Variants in MTHFD1L observed in about 807,000 individuals in gnomAD.
MTHFD1L encodes the protein monofunctional C1-tetrahydrofolate synthase, mitochondrial.
In MTHFD1L, 81 loss-of-function variants were observed where a neutral mutation model predicts 119.5. That is an observed-to-expected ratio of 0.68 (90% confidence interval 0.57 to 0.82). The LOEUF is 0.82. MTHFD1L is among the 40% of genes least tolerant of loss of function. The pLI is 0.00. For synonymous variants in MTHFD1L, 430 were observed against 475.2 expected (o/e 0.90, Z 1.24); for missense variants, 1,125 against 1,253.4 (o/e 0.90, Z 1.55).
intron 26 of MTHFD1L, among the ~76,000 whole-genome samples, chr6:151,085,690 G>A (rs1475612245): frequency 6.6e-6 from 1 of 152,146 alleles, no homozygotes; most frequent in Non-Finnish European, 1.5e-5. Flanking sequence ...AGAATCACTT[G>A]AGGCCAGGAG....
intron 4 of MTHFD1L, among the ~76,000 whole-genome samples, chr6:150,879,580 G>A (rs1188918474): frequency 2.0e-5 from 3 of 149,252 alleles, no homozygotes; most frequent in South Asian, 2.1e-4. Flanking sequence ...GAGCCACTGC[G>A]CCCAGCTGGA....
chr6:150,925,461 G>A (rs576400972), intron 10 of MTHFD1L, among the ~76,000 whole-genome samples: 15 of 152,238 alleles, frequency 9.9e-5, no homozygotes, highest in Non-Finnish European at 1.9e-4. Flanking sequence ...GAAGAGTTCA[G>A]TTACGTGCCC....
At chr6:150,941,634 G>T (rs1221612570) in intron 13 of MTHFD1L, among the ~76,000 whole-genome samples, 1 of 152,178 alleles carries the variant, frequency 6.6e-6, no homozygotes, top group Non-Finnish European at 1.5e-5. Flanking sequence ...TTAGATGTTG[G>T]GGGTTAGAAA....
Position 150,968,340 on chromosome 6 carries a change from TTTA to T in MTHFD1L, c.2013+3309_2013+3311del, listed in dbSNP as rs543732841. 2.0e-4 allele frequency among the ~76,000 whole-genome samples: 31 copies of T among 152,314 alleles called. No individual in the cohort carries two copies. The East Asian group carries it at 6.0e-3, about 29-fold the overall frequency. ...GACTTGTTGAATAATTAAGTGAATG[TTTA>T]TTATTTTTACTACATTCTCCTAAAA... On this transcript the variant is annotated intron_variant, in intron 19 of 27. Coordinates refer to ENST00000367321, the MANE Select transcript of MTHFD1L (RefSeq NM_015440.5).
intron 11 of MTHFD1L, chr6:150,934,946 G>A (rs988551568): frequency 1.3e-6 from 2 of 1,520,228 alleles, no homozygotes; most frequent in African/African-American, 1.4e-5. Context: ...TTTCAATTTG[G>A]GACATTTATT....
intron 26 of MTHFD1L, among the ~76,000 whole-genome samples, chr6:151,051,922 G>A (rs1584329086): frequency 6.6e-6 from 1 of 152,224 alleles, no homozygotes; most frequent in East Asian, 1.9e-4. Flanking sequence ...GGGAGGCCTG[G>A]AGAGGTCTGT....
Position 150,968,007 on chromosome 6 carries a change from G to A in MTHFD1L, c.2013+2970G>A, listed in dbSNP as rs568604504. Among the ~76,000 whole-genome samples, 5 of 151,780 alleles carry A rather than the reference G, an allele frequency of 3.3e-5. No individual in the cohort carries two copies. In the South Asian group the frequency reaches 1.0e-3, roughly 32 times the overall value. On this transcript the variant is annotated intron_variant, in intron 19 of 27. Coordinates refer to ENST00000367321, the MANE Select transcript of MTHFD1L (RefSeq NM_015440.5). ...CTTATCCTCATCTCTCATCCTCTGG[G>A]GGACCTTTGCACGGCTAACACCACT...
At chr6:150,937,919 G>A (rs1343325291) in intron 12 of MTHFD1L, among the ~76,000 whole-genome samples, 1 of 152,134 alleles carries the variant, frequency 6.6e-6, no homozygotes, top group East Asian at 1.9e-4. Context: ...ACATTTTGAG[G>A]GATACGCAGC....
chr6:150,911,813 G>A (rs1786944374), intron 8 of MTHFD1L, among the ~76,000 whole-genome samples: 1 of 152,088 alleles, frequency 6.6e-6, no homozygotes, highest in Admixed American at 6.6e-5. Context: ...GAGAAAATCA[G>A]GAAGATGCAA....
At chr6:150,879,630 T>G (rs1186855349) in intron 4 of MTHFD1L, among the ~76,000 whole-genome samples, 3 of 147,454 alleles carry the variant, frequency 2.0e-5, no homozygotes, top group Non-Finnish European at 1.5e-5. Context: ...TGGTGTTTTT[T>G]TTTTTTTTTT....
rs1583469134 is a variant in MTHFD1L at position 150,903,210 on chromosome 6, T to C, written c.781-2440T>C. ...GGTGATATTGGCTGCAAAATTTTTT[T>C]TTTTTTTTTTTTTTTTTTTTTTTTT... is the stretch of plus-strand genomic sequence containing the variant. On this transcript the variant is annotated intron_variant, in intron 7 of 27. Transcript: ENST00000367321. Among the ~76,000 whole-genome samples the C allele has an allele frequency of 4.6e-5, 5 of 107,688 alleles. 1 individual carries two copies. Among genetic ancestry groups the C allele is most frequent in the African/African-American group, 1.2e-4 (3 of 25,516 alleles). The allele number at this position is 107,688 out of a possible 152,430, so 70.6% of individuals were successfully genotyped here.
intron 26 of MTHFD1L, among the ~76,000 whole-genome samples, chr6:151,064,565 G>A (rs544388253): frequency 4.6e-5 from 7 of 152,094 alleles, no homozygotes; most frequent in African/African-American, 7.2e-5. Context: ...CGCCTGCCTC[G>A]GCCTCCCAAA....
Position 150,887,874 on chromosome 6 carries a change from G to C in MTHFD1L, c.673G>C (p.Val225Leu). The stretch of plus-strand genomic sequence containing the variant: ...CAACCTAGATGGAAAGAAGATTTTG[G>C]TAGTGGGGGCCCATGGGTCTTTGGA... ...GVNLDGKKIL[V>L]VGAHGSLEAA... is the part of the protein sequence containing the mutation. Residue 225 changes from valine (V) to leucine (L), a missense_variant, in exon 7 of 28, where the codon GTA becomes CTA. Coordinates refer to ENST00000367321, the MANE Select transcript of MTHFD1L (RefSeq NM_015440.5). 6.2e-7 allele frequency: 1 copy of C among 1,605,794 alleles called. No homozygotes were observed. Among genetic ancestry groups the C allele is most frequent in the South Asian group, 1.1e-5 (1 of 88,928 alleles).
chr6:150,988,136 A>G (rs370706123), intron 20 of MTHFD1L, among the ~76,000 whole-genome samples: 10 of 152,234 alleles, frequency 6.6e-5, no homozygotes, highest in African/African-American at 2.4e-4. Context: ...AAACATTGTC[A>G]TGCAGAGATT....
chr6:151,099,129 T>C (rs140721029), intron 27 of MTHFD1L, among the ~76,000 whole-genome samples: 2,281 of 148,516 alleles, frequency 0.015, 55 homozygotes, highest in African/African-American at 0.054. Flanking sequence ...TGAGCTGATA[T>C]CGCATCGCTG....
At position 150,875,554 on chromosome 6, in the gene MTHFD1L, C is replaced by T. The variant is rs140914696; in HGVS notation, c.228-536C>T. ...GGGTCTCCAGTGTTTCTGGAACTTTCCTCCCCTTCCTTCCTTACCTAATTC... is the reference window on the plus strand; with the variant it reads ...GGGTCTCCAGTGTTTCTGGAACTTTTCTCCCCTTCCTTCCTTACCTAATTC... On this transcript the variant is annotated intron_variant, in intron 1 of 27. Coordinates refer to ENST00000367321, the MANE Select transcript of MTHFD1L (RefSeq NM_015440.5). 1.8e-3 allele frequency among the ~76,000 whole-genome samples: 268 copies of T among 151,922 alleles called. 1 individual carries two copies. Among genetic ancestry groups the T allele is most frequent in the African/African-American group, 6.2e-3 (258 of 41,418 alleles).
At chr6:150,965,620 C>T (rs929390127) in intron 19 of MTHFD1L, among the ~76,000 whole-genome samples, 2 of 150,704 alleles carry the variant, frequency 1.3e-5, no homozygotes, top group African/African-American at 2.4e-5. Flanking sequence ...GAGATCGCAC[C>T]ACCGCACTCC....
At chr6:151,017,208 A>G (rs79346223) in intron 24 of MTHFD1L, among the ~76,000 whole-genome samples, 3 of 152,200 alleles carry the variant, frequency 2.0e-5, no homozygotes, top group East Asian at 3.9e-4. Context: ...GCCCCTCCCT[A>G]CAGTCCCTGC....
intron 7 of MTHFD1L, among the ~76,000 whole-genome samples, chr6:150,897,733 A>C (rs1784474994): frequency 6.6e-6 from 1 of 152,354 alleles, no homozygotes; most frequent in South Asian, 2.1e-4. Flanking sequence ...CCTTCAGCCC[A>C]CTGGCAGCAG....
Sources: allele counts gnomAD v4.1 joint callset (sites outside exome capture counted in the v4.1 genomes callset), GRCh38; gene constraint gnomAD v4.1.1; transcripts MANE v1.5; gene names NCBI Gene and HGNC (gene_info 2026-07-23, HGNC 2026-07-21).